Variants in FOXK2 observed in about 807,000 individuals in gnomAD.
The protein encoded by FOXK2 is forkhead box protein K2.
Under a neutral mutation model 53.3 loss-of-function variants are expected in FOXK2, and 24 were observed. The observed-to-expected ratio is 0.45, with a 90% CI of 0.33 to 0.63. The LOEUF (loss-of-function observed/expected upper bound fraction) is 0.63. Among genes scored for constraint, FOXK2 ranks in the 30% least tolerant of loss-of-function variants. The pLI is 0.03. For missense variants in FOXK2, 952 were observed against 910.5 expected (o/e 1.05, Z -0.59); for synonymous variants, 505 against 407.1 (o/e 1.24, Z -2.89).
At position 82,570,633 on chromosome 17, in the gene FOXK2, GT is replaced by G. The variant is rs34364665; in HGVS notation, c.763-1088del. 7.0e-4 allele frequency among the ~76,000 whole-genome samples: 107 copies of G among 152,286 alleles called. 2 individuals are homozygous for G. In the East Asian group the frequency reaches 0.014, roughly 20 times the overall value. On this transcript the variant is annotated intron_variant, in intron 3 of 8. Transcript: ENST00000335255. ...CCTGCCTGTTTCCCATTCCATTTGT[GT>G]TTATCCTTGAACAGTATCTATAATT...
At chr17:82,554,368 A>T (rs775940211) in intron 1 of FOXK2, among the ~76,000 whole-genome samples, 1 of 152,166 alleles carries the variant, frequency 6.6e-6, no homozygotes, top group Non-Finnish European at 1.5e-5. Context: ...CTTCTTCGTG[A>T]GTCTGTTAAT....
At chr17:82,562,891 G>A (rs574832185) in intron 1 of FOXK2, among the ~76,000 whole-genome samples, 5 of 151,124 alleles carry the variant, frequency 3.3e-5, no homozygotes, top group East Asian at 2.0e-4. Context: ...CTGCAGCCTC[G>A]ACCTTCTGGG....
intron 1 of FOXK2, among the ~76,000 whole-genome samples, chr17:82,549,006 G>C (rs1567970385): frequency 6.6e-6 from 1 of 152,232 alleles, no homozygotes; most frequent in Non-Finnish European, 1.5e-5. Context: ...TGGTGATCCA[G>C]ATGAGAGGAC....
At position 82,601,430 on chromosome 17, in the gene FOXK2, G is replaced by T. The variant is rs1216734528; in HGVS notation, c.1914G>T (p.Glu638Asp). ...AGCGGATCAAGACAGAAGACGGCGAGGGCATCGTCATTGCCCTGAGCGTGG... is the reference window on the plus strand; with the variant it reads ...AGCGGATCAAGACAGAAGACGGCGATGGCATCGTCATTGCCCTGAGCGTGG... ...ELKRIKTEDG[E>D]GIVIALSVDT... Residue 638 changes from glutamate to aspartate, a missense_variant, in exon 9 of 9, where the codon GAG becomes GAT. Around this residue, in one of 5 missense-constraint regions of FOXK2, gnomAD observed 551 missense variants for 385.1 expected, o/e 1.43. Coordinates refer to ENST00000335255, the MANE Select transcript of FOXK2 (RefSeq NM_004514.4). 3 of 1,612,716 alleles carry T rather than the reference G, an allele frequency of 1.9e-6. No individual in the cohort carries two copies. The highest frequency in any genetic ancestry group is 3.3e-5 in the Admixed American group (2 of 60,018).
Position 82,550,197 on chromosome 17 carries a change from A to AAC in FOXK2, c.420-13139_420-13138dup, listed in dbSNP as rs144639667. On this transcript the variant is annotated intron_variant, in intron 1 of 8. Coordinates refer to ENST00000335255, the MANE Select transcript of FOXK2 (RefSeq NM_004514.4). ...CACTGCAAGACCTTGTCTCTAAACA[A>AAC]ACACACACACACACACACAAAGAGC... is the stretch of plus-strand genomic sequence containing the variant. Among the ~76,000 whole-genome samples, 680 of 150,968 alleles carry AAC rather than the reference A, an allele frequency of 4.5e-3. 2 individuals are homozygous for AAC. Among genetic ancestry groups the AAC allele is most frequent in the African/African-American group, 0.012 (504 of 41,182 alleles).
chr17:82,543,309 T>G (rs2044591768), intron 1 of FOXK2, among the ~76,000 whole-genome samples: 1 of 152,328 alleles, frequency 6.6e-6, no homozygotes, highest in South Asian at 2.1e-4. Context: ...GAAGTGTCAG[T>G]GGTGCAGTCA....
intron 2 of FOXK2, among the ~76,000 whole-genome samples, chr17:82,564,612 A>G (rs1031501194): frequency 1.3e-5 from 2 of 151,898 alleles, no homozygotes; most frequent in Non-Finnish European, 2.9e-5. Context: ...TTTAATTTTG[A>G]ATTTTTTTTA....
intron 1 of FOXK2, 47 bp downstream of exon 1, chr17:82,520,354 C>G: frequency 1.6e-6 from 2 of 1,230,506 alleles, no homozygotes; most frequent in Non-Finnish European, 2.0e-6. Flanking sequence ...GCCTGCAGCG[C>G]CTGGCAGGAC....
At chr17:82,521,905 C>T (rs1259777075) in intron 1 of FOXK2, among the ~76,000 whole-genome samples, 1 of 150,340 alleles carries the variant, frequency 6.7e-6, no homozygotes, top group African/African-American at 2.5e-5. Flanking sequence ...CACTGCACTC[C>T]AGCCTGGGGG....
chr17:82,582,698 CAAAT>C, intron 4 of FOXK2, 39 bp from the exon 5 acceptor site: 2 of 1,467,154 alleles, frequency 1.4e-6, no homozygotes, highest in Non-Finnish European at 1.8e-6. Flanking sequence ...TATTTCTCAG[CAAAT>C]AAATATATGA....
chr17:82,523,547 A>G (rs1295330765), intron 1 of FOXK2, among the ~76,000 whole-genome samples: 5 of 148,644 alleles, frequency 3.4e-5, no homozygotes, highest in Non-Finnish European at 5.9e-5. Context: ...ATCTCGGCTC[A>G]TTGCAACCTC....
In FOXK2 at chr17:82,569,131, T is replaced by C. The variant is rs554233089; in HGVS notation, c.762+930T>C. ...CAGAGTATTTGCTGATATGGAAATA[T>C]TCCAGATGTAATGCTGAGTGGAAGA... On this transcript the variant is annotated intron_variant, in intron 3 of 8. Transcript: ENST00000335255. Among the ~76,000 whole-genome samples the C allele has an allele frequency of 3.5e-4, 54 of 152,200 alleles. 1 individual carries two copies. The highest frequency in any genetic ancestry group is 6.6e-4 in the Non-Finnish European group (45 of 68,040).
chr17:82,584,310 T>C (rs1278721839), intron 6 of FOXK2, 122 bp downstream of exon 6: 4 of 1,025,858 alleles, frequency 3.9e-6, no homozygotes, highest in Non-Finnish European at 4.0e-6. Context: ...CTTATACTAG[T>C]ACCTGATTTT....
intron 4 of FOXK2, among the ~76,000 whole-genome samples, chr17:82,573,558 TCTCTCACACACACACACA>T (rs2044945982): frequency 5.5e-5 from 5 of 90,726 alleles, no homozygotes; most frequent in Non-Finnish European, 8.8e-5. Context: ...TCTCTCTCTC[TCTCTCACACACACACACA>T]CACACACACA....
At chr17:82,560,075 G>T (rs934804219) in intron 1 of FOXK2, among the ~76,000 whole-genome samples, 1 of 148,944 alleles carries the variant, frequency 6.7e-6, no homozygotes, top group South Asian at 2.1e-4. Flanking sequence ...GCAGGATCTC[G>T]GCTCGCTGCA....
intron 3 of FOXK2, among the ~76,000 whole-genome samples, chr17:82,570,484 C>G (rs979048443): frequency 5.3e-5 from 8 of 152,122 alleles, no homozygotes; most frequent in South Asian, 2.1e-4. Context: ...CAGAGTGAGA[C>G]CGTGTCCCCA....
At chr17:82,532,509 TTAACA>T (rs1263088824) in intron 1 of FOXK2, among the ~76,000 whole-genome samples, 6 of 149,786 alleles carry the variant, frequency 4.0e-5, no homozygotes, top group African/African-American at 1.4e-4. Context: ...TTTATTAGTC[TTAACA>T]TACTATAATT....
chr17:82,577,180 A>G (rs1052061574), intron 4 of FOXK2: 2 of 1,004,204 alleles, frequency 2.0e-6, no homozygotes, highest in Non-Finnish European at 1.5e-6. Flanking sequence ...GAAAAAGAAA[A>G]AAAGAAATGT....
At chr17:82,532,717 G>A (rs956806186) in intron 1 of FOXK2, among the ~76,000 whole-genome samples, 1 of 151,824 alleles carries the variant, frequency 6.6e-6, no homozygotes, top group Admixed American at 6.6e-5. Context: ...CTCCCGAGTA[G>A]CCACCTCACC....
Sources: gnomAD v4.1 joint callset for allele counts (sites outside exome capture counted in the v4.1 genomes callset) on GRCh38, gnomAD v4.1.1 for gene constraint, gnomAD v4.1.1 regional missense constraint, MANE v1.5 for transcripts, NCBI Gene and HGNC (gene_info 2026-07-23, HGNC 2026-07-21) for gene names.